The following RGS22 variants were observed in gnomAD, a reference collection of about 807,000 sequenced individuals.
The protein encoded by RGS22 is regulator of G protein signaling 22.
A neutral mutation model predicts 172.9 loss-of-function variants in RGS22; 148 were observed. That is an observed-to-expected ratio of 0.86 (90% CI 0.75 to 0.98). The LOEUF (loss-of-function observed/expected upper bound fraction) is 0.98, where lower values mean the gene tolerates loss of function less well. Ranked by LOEUF, RGS22 falls within the 50% of genes least tolerant of loss-of-function variation. RGS22 has a pLI of 0.00. For synonymous variants in RGS22, 458 were observed against 480.2 expected (o/e 0.95, Z 0.60); for missense variants, 1,347 against 1,440.8 (o/e 0.93, Z 1.05).
intron 2 of RGS22, among the ~76,000 whole-genome samples, chr8:100,094,808 T>C (rs1246177519): frequency 1.3e-5 from 2 of 152,228 alleles, no homozygotes; most frequent in Non-Finnish European, 2.9e-5. Context: ...TAGTGGACTA[T>C]CTAGTTTTTG....
At chr8:100,039,447 G>A (rs1266359452) in intron 13 of RGS22, among the ~76,000 whole-genome samples, 6 of 150,844 alleles carry the variant, frequency 4.0e-5, no homozygotes, top group South Asian at 4.2e-4. Flanking sequence ...GTGCAATCTC[G>A]GCTCACCGCA....
intron 4 of RGS22, among the ~76,000 whole-genome samples, chr8:100,077,494 ATGAATTATTT>A (rs1811441015): frequency 1.3e-5 from 2 of 152,214 alleles, no homozygotes; most frequent in South Asian, 4.1e-4. Context: ...TCTTTGACCT[ATGAATTATTT>A]AGGAGTATGT....
At chr8:100,046,440 C>T (rs1820724988) in intron 11 of RGS22, 1 of 151,272 alleles carries the variant, frequency 6.6e-6, no homozygotes, top group African/African-American at 2.4e-5. Context: ...ATAATGCTTT[C>T]TTCATGGGGA....
intron 14 of RGS22, among the ~76,000 whole-genome samples, chr8:100,020,058 AT>A (rs894910452): frequency 6.6e-6 from 1 of 151,806 alleles, no homozygotes; most frequent in African/African-American, 2.4e-5. Flanking sequence ...CTAATTTTGT[AT>A]TTTTAGTAGC....
intron 3 of RGS22, among the ~76,000 whole-genome samples, chr8:100,088,790 C>T (rs974661737): frequency 6.6e-6 from 1 of 151,882 alleles, no homozygotes; most frequent in African/African-American, 2.4e-5. Flanking sequence ...CCCATTTCTA[C>T]CACAATCCGG....
Position 99,962,721 on chromosome 8 carries a change from A to C in RGS22, c.3756T>G (p.Ser1252=). The C allele has an allele frequency of 6.2e-7, 1 of 1,611,688 alleles. No homozygotes were observed. Among genetic ancestry groups the C allele is most frequent in the East Asian group, 2.2e-5 (1 of 44,864 alleles). Residue 1252 remains serine (S), a synonymous_variant, in exon 26 of 28, where the codon TCT becomes TCG. Coordinates refer to ENST00000360863, the MANE Select transcript of RGS22 (RefSeq NM_015668.5). ...TGTGGGCAGACATATTCTTTTTCAA[A>C]GACATAGTTGAAGAGCTAGCCTTAA... ...TNFKASSSTM[S]LKKNMSAHSS... is the part of the protein sequence containing the mutation.
chr8:100,088,174 C>T (rs749917240), intron 3 of RGS22, among the ~76,000 whole-genome samples: 6 of 152,124 alleles, frequency 3.9e-5, no homozygotes, highest in South Asian at 2.1e-4. Context: ...TAACTGTTTA[C>T]GGATTGTAAA....
At chr8:100,029,778 C>T (rs1004318213) in intron 14 of RGS22, among the ~76,000 whole-genome samples, 5 of 150,098 alleles carry the variant, frequency 3.3e-5, no homozygotes, top group African/African-American at 1.2e-4. Flanking sequence ...GCATGCTCTG[C>T]ACATGTATCC....
chr8:100,032,545 T>TAA (rs1356409306), intron 14 of RGS22, among the ~76,000 whole-genome samples: 1 of 152,150 alleles, frequency 6.6e-6, no homozygotes, highest in African/African-American at 2.4e-5. Context: ...CAAAGAGACT[T>TAA]AGACTCCCAC....
In RGS22 at chr8:100,008,517, T is replaced by C; in HGVS notation, c.2219A>G (p.Gln740Arg). The C allele has an allele frequency of 6.2e-7, 1 of 1,612,832 alleles. No individual in the cohort carries two copies. Among genetic ancestry groups the C allele is most frequent in the Non-Finnish European group, 8.5e-7 (1 of 1,179,724 alleles). Residue 740 changes from glutamine to arginine, a missense_variant, in exon 15 of 28, where the codon CAA becomes CGA. Gln to Arg is a conservative substitution (Grantham distance 43). Coordinates refer to ENST00000360863, the MANE Select transcript of RGS22 (RefSeq NM_015668.5). ...ATAAATTTCTTTTTTCTTTTCCTGT[T>C]GGAGTCCAATGTCAAGAGTGGCAGA... The part of the protein sequence containing the change: ...APSATLDIGL[Q>R]QEKKKEIYMK...
intron 16 of RGS22, chr8:100,004,579 T>C (rs906464414): frequency 6.5e-6 from 1 of 152,876 alleles, no homozygotes; most frequent in Non-Finnish European, 1.5e-5. Flanking sequence ...AAAGTGAAGA[T>C]TAGATACTAT....
At chr8:100,045,362 C>T (rs577519353) in intron 11 of RGS22, among the ~76,000 whole-genome samples, 34 of 152,252 alleles carry the variant, frequency 2.2e-4, no homozygotes, top group African/African-American at 6.3e-4. Flanking sequence ...TACTATACCC[C>T]GGAGCATTCA....
At chr8:100,038,906 T>G in intron 14 of RGS22, 25 bp downstream of exon 14, 1 of 1,480,816 alleles carries the variant, frequency 6.8e-7, no homozygotes. Context: ...TGCTTCACAT[T>G]GAACCAATAT....
chr8:100,007,563 T>C (rs1815859343), intron 15 of RGS22, among the ~76,000 whole-genome samples: 1 of 152,128 alleles, frequency 6.6e-6, no homozygotes, highest in Non-Finnish European at 1.5e-5. Flanking sequence ...GTTTATGTTT[T>C]CCATAGGTGT....
chr8:100,094,726 G>A (rs535346255), intron 2 of RGS22, among the ~76,000 whole-genome samples: 1 of 152,264 alleles, frequency 6.6e-6, no homozygotes, highest in African/African-American at 2.4e-5. Flanking sequence ...TCCTTTTGGG[G>A]GAAGCTATAA....
chr8:100,011,817 C>T (rs1014583078), intron 14 of RGS22, among the ~76,000 whole-genome samples: 1 of 152,082 alleles, frequency 6.6e-6, no homozygotes, highest in Non-Finnish European at 1.5e-5. Context: ...GACTTCATCA[C>T]CAGCAGACCT....
At chr8:99,974,511 G>A (rs913508455) in intron 23 of RGS22, among the ~76,000 whole-genome samples, 6 of 152,212 alleles carry the variant, frequency 3.9e-5, no homozygotes, top group Non-Finnish European at 8.8e-5. Context: ...ATAACAAATG[G>A]ATATAAGGCC....
In RGS22 at chr8:100,084,864, A is replaced by G. The variant is rs1303179932; in HGVS notation, c.118-4509T>C. ...AGTACATGATCTTTCATTTTTGTCT[A>G]TGATAAAGAGTAAACAAAATACCGA... On this transcript the variant is annotated intron_variant, in intron 3 of 27. Coordinates refer to ENST00000360863, the MANE Select transcript of RGS22 (RefSeq NM_015668.5). 5.3e-5 allele frequency among the ~76,000 whole-genome samples: 8 copies of G among 152,236 alleles called. No homozygotes were observed. The East Asian group carries it at 1.3e-3, about 26-fold the overall frequency.
intron 15 of RGS22, among the ~76,000 whole-genome samples, chr8:100,008,170 T>C (rs1177146611): frequency 6.6e-6 from 1 of 152,004 alleles, no homozygotes; most frequent in Admixed American, 6.6e-5. Flanking sequence ...CCCAAGTAGC[T>C]GGGATTACAG....
Sources: allele counts gnomAD v4.1 joint callset (sites outside exome capture counted in the v4.1 genomes callset), GRCh38; gene constraint gnomAD v4.1.1; transcripts MANE v1.5; gene names NCBI Gene and HGNC (gene_info 2026-07-23, HGNC 2026-07-21).